The following GK5 variants were observed in gnomAD, a reference collection of about 807,000 sequenced individuals.
The protein encoded by GK5 is glycerol kinase 5.
In GK5, 39 loss-of-function variants were observed where a neutral mutation model predicts 77.3. The ratio of observed to expected loss-of-function variants is 0.50; its 90% CI spans 0.39 to 0.66. The LOEUF is 0.66. GK5 is among the 30% of genes least tolerant of loss of function. The pLI, the probability that GK5 is intolerant of heterozygous loss-of-function variation, is 0.00. For synonymous variants in GK5, 211 were observed against 208.0 expected, an observed-to-expected ratio of 1.01 and a Z score of -0.13; for missense variants, 487 against 633.8, an observed-to-expected ratio of 0.77 and a Z score of 2.49.
chr3:142,220,408 T>C (rs1358553195), intron 1 of GK5, among the ~76,000 whole-genome samples: 6 of 152,222 alleles, frequency 3.9e-5, no homozygotes, highest in Non-Finnish European at 5.9e-5. Context: ...GTGCTAGGAT[T>C]ACAGGCGTCA....
At chr3:142,182,378 T>C (rs2063708774) in intron 10 of GK5, among the ~76,000 whole-genome samples, 1 of 151,696 alleles carries the variant, frequency 6.6e-6, no homozygotes, top group South Asian at 2.1e-4. Flanking sequence ...AGAGTCTCAC[T>C]GCATCACCCA....
chr3:142,188,598 ACT>A (rs1365121256), intron 5 of GK5, among the ~76,000 whole-genome samples: 1 of 152,246 alleles, frequency 6.6e-6, no homozygotes, highest in Admixed American at 6.5e-5. Context: ...AATCCAGCCT[ACT>A]CTCTGTTTTT....
At chr3:142,175,830 A>ATAT (rs904620663) in intron 12 of GK5, among the ~76,000 whole-genome samples, 1 of 148,264 alleles carries the variant, frequency 6.7e-6, no homozygotes, top group Non-Finnish European at 1.5e-5. Flanking sequence ...AATATACTTT[A>ATAT]TATTATTATT....
intron 5 of GK5, among the ~76,000 whole-genome samples, chr3:142,198,441 C>T (rs149591186): frequency 0.027 from 4,052 of 152,012 alleles, 187 homozygotes; most frequent in African/African-American, 0.093. Flanking sequence ...GGTGAAACCT[C>T]ATCTCTACTA....
Position 142,195,272 on chromosome 3 carries a change from C to T in GK5, c.543+3530G>A, listed in dbSNP as rs372479395. Among the ~76,000 whole-genome samples the T allele has an allele frequency of 6.4e-4, 97 of 152,160 alleles. 4 individuals are homozygous for T. In the South Asian group the frequency reaches 0.018, roughly 28 times the overall value. On this transcript the variant is annotated intron_variant, in intron 5 of 15. Transcript: ENST00000392993. ...ATTCTTGGGATAAATCCCACTTAGT[C>T]ATGATATATAATCCTTTTTATATGT...
chr3:142,195,907 T>C (rs2063926526), intron 5 of GK5, among the ~76,000 whole-genome samples: 1 of 152,244 alleles, frequency 6.6e-6, no homozygotes, highest in Non-Finnish European at 1.5e-5. Context: ...AGGATTGTGT[T>C]AATTCTTCTT....
At chr3:142,171,285 A>G in intron 14 of GK5, 134 bp downstream of exon 14, 1 of 819,974 alleles carries the variant, frequency 1.2e-6, no homozygotes, top group Non-Finnish European at 1.7e-6. Context: ...GCTAAGCAGA[A>G]ATTATTTTTG....
At position 142,172,425 on chromosome 3, in the gene GK5, G is replaced by A. The variant is rs1257328989; in HGVS notation, c.1175C>T (p.Ser392Phe). The change falls in exon 13 of 16, where the codon TCT (serine) becomes TTT (phenylalanine). Residue 392 changes from serine (S) to phenylalanine (F), a missense_variant. By Grantham distance (155) the Ser-to-Phe change is radical (BLOSUM62 -2). Around this residue, in one of 4 missense-constraint regions of GK5, gnomAD observed 323 missense variants for 437.4 expected, o/e 0.74. Coordinates refer to ENST00000392993, the MANE Select transcript of GK5 (RefSeq NM_001039547.3). Reference sequence around the variant, plus strand: ...GGTAGAAGGCTTCAAACCCATAAAAGAGGCACATGCCCAGGGGTCATTTAA... The same window carrying A: ...GGTAGAAGGCTTCAAACCCATAAAAAAGGCACATGCCCAGGGGTCATTTAA... ...APLNDPWACA[S>F]FMGLKPSTSK... is the part of the protein sequence containing the mutation. 6.2e-7 allele frequency: 1 copy of A among 1,603,800 alleles called. No homozygotes were observed. Among genetic ancestry groups the A allele is most frequent in the Admixed American group, 1.7e-5 (1 of 59,926 alleles).
chr3:142,205,389 C>T (rs1279077169), intron 3 of GK5, among the ~76,000 whole-genome samples: 3 of 152,204 alleles, frequency 2.0e-5, no homozygotes, highest in Non-Finnish European at 4.4e-5. Flanking sequence ...GTCAAGTTTG[C>T]TTTCTACCCC....
rs1179389158 is a variant in GK5, at chr3:142,178,072, G to A, written c.1049-496C>T. On this transcript the variant is annotated intron_variant, in intron 11 of 15. Transcript: ENST00000392993. ...GGGGTTTCTCCATGTTGGTCAGGCT[G>A]GTCTTGAACTCCTGACCTCAGGTGA... Among the ~76,000 whole-genome samples the A allele has an allele frequency of 5.3e-5, 8 of 151,972 alleles. No homozygotes were observed. In the South Asian group the frequency reaches 1.7e-3, roughly 32 times the overall value.
At position 142,196,043 on chromosome 3, in the gene GK5, G is replaced by A. The variant is rs149676659; in HGVS notation, c.543+2759C>T. On this transcript the variant is annotated intron_variant, in intron 5 of 15. Transcript: ENST00000392993. ...TTATTCAGATTATTTATTTCTCCTC[G>A]AGTTATTTCCAGTAGTTTGTGTATT... Among the ~76,000 whole-genome samples the A allele has an allele frequency of 2.9e-4, 44 of 152,090 alleles. No individual in the cohort carries two copies. The East Asian group carries it at 7.5e-3, about 26-fold the overall frequency.
intron 1 of GK5, among the ~76,000 whole-genome samples, chr3:142,216,271 G>A (rs1451640586): frequency 6.6e-6 from 1 of 152,134 alleles, no homozygotes; most frequent in Non-Finnish European, 1.5e-5. Flanking sequence ...GGGCACAGAG[G>A]AAGTGCCAGG....
rs1407448771 is a variant in GK5, at chr3:142,159,847, C to CTTTTTTTTTTTTTTTTTTTTTT, written c.*5774_*5775insAAAAAAAAAAAAAAAAAAAAAA. 8.3e-4 allele frequency: 86 copies of CTTTTTTTTTTTTTTTTTTTTTT among 103,140 alleles called. 7 individuals are homozygous for CTTTTTTTTTTTTTTTTTTTTTT. The highest frequency in any genetic ancestry group is 3.3e-3 in the African/African-American group (83 of 25,126). 6.4% of individuals were successfully genotyped at this position (103,140 alleles called of 1,614,324 possible). A position where few individuals can be genotyped will look rare whatever the true frequency, so the allele number is the denominator to read the frequency against. On this transcript the variant is annotated 3_prime_UTR_variant, in exon 16 of 16. Transcript: ENST00000392993. The stretch of plus-strand genomic sequence containing the variant: ...TGGGGCTTTCTCTCTCTCTCTCTCT[C>CTTTTTTTTTTTTTTTTTTTTTT]TCTCTCTTTTTTTTTTTTGAGACAG...
rs1477700772 is a variant in GK5, at chr3:142,157,604, T to C, written c.*8018A>G. 1 of 152,254 alleles carries C rather than the reference T, an allele frequency of 6.6e-6. No individual in the cohort carries two copies. The highest frequency in any genetic ancestry group is 1.9e-4 in the East Asian group (1 of 5,208). The allele number at this position is 152,254 out of a possible 1,614,324, so 9.4% of individuals were successfully genotyped here. A position where few individuals can be genotyped will look rare whatever the true frequency, so the allele number is the denominator to read the frequency against. The stretch of plus-strand genomic sequence containing the variant: ...TGTAATTTCCCAAATAATTTTAGAT[T>C]ATAATTTTCAGAAAGGATTTTTAAC... On this transcript the variant is annotated 3_prime_UTR_variant, in exon 16 of 16. Coordinates refer to ENST00000392993, the MANE Select transcript of GK5 (RefSeq NM_001039547.3).
intron 5 of GK5, among the ~76,000 whole-genome samples, chr3:142,196,765 C>G (rs1487409530): frequency 6.6e-6 from 1 of 152,154 alleles, no homozygotes; most frequent in African/African-American, 2.4e-5. Context: ...TCCATGTACA[C>G]TTCAAGAGAG....
chr3:142,161,083 G>GT lies in GK5; in HGVS notation c.*4538dup, dbSNP rs377275339. ...CTCACTACAGAGTAGTTCTTCTTTT[G>GT]TTTTTTTGTTTTTGTTTTTGTTTTT... is the stretch of plus-strand genomic sequence containing the variant. On this transcript the variant is annotated 3_prime_UTR_variant, in exon 16 of 16. Transcript: ENST00000392993. 0.012 allele frequency: 1,462 copies of GT among 121,352 alleles called. 22 individuals are homozygous for GT. The highest frequency in any genetic ancestry group is 0.035 in the African/African-American group (1,337 of 38,424). 7.5% of individuals were successfully genotyped at this position (121,352 alleles called of 1,614,324 possible).
At chr3:142,195,650 C>A (rs1371156984) in intron 5 of GK5, among the ~76,000 whole-genome samples, 1 of 152,166 alleles carries the variant, frequency 6.6e-6, no homozygotes, top group Admixed American at 6.5e-5. Flanking sequence ...CCACACCCAG[C>A]CTTGTTGAGG....
At chr3:142,170,123 G>A in intron 15 of GK5, 1 of 662,848 alleles carries the variant, frequency 1.5e-6, no homozygotes, top group South Asian at 1.7e-5. Context: ...GAAGGGGTGA[G>A]GTGAGGATAG....
intron 3 of GK5, among the ~76,000 whole-genome samples, chr3:142,213,162 G>T (rs1314629021): frequency 6.6e-6 from 1 of 152,152 alleles, no homozygotes; most frequent in Non-Finnish European, 1.5e-5. Context: ...ATTTAGAGTA[G>T]ACTGAAAATA....
Sources: gnomAD v4.1 joint callset for allele counts (sites outside exome capture counted in the v4.1 genomes callset) on GRCh38, gnomAD v4.1.1 for gene constraint, gnomAD v4.1.1 regional missense constraint, MANE v1.5 for transcripts, NCBI Gene and HGNC (gene_info 2026-07-23, HGNC 2026-07-21) for gene names.